ARHGEF28: variants seen among roughly 807,000 people sequenced by gnomAD.
ARHGEF28 encodes 190 kDa guanine nucleotide exchange factor.
ARHGEF28 carries 152 observed loss-of-function variants against 206.6 expected under a neutral mutation model. The observed-to-expected ratio is 0.74, with a 90% CI of 0.64 to 0.84. The LOEUF (loss-of-function observed/expected upper bound fraction) is 0.84. Among genes scored for constraint, ARHGEF28 ranks in the 40% least tolerant of loss-of-function variants. The pLI, the probability that ARHGEF28 is intolerant of heterozygous loss-of-function variation, is 0.00. For synonymous variants in ARHGEF28, 763 were observed against 776.4 expected (o/e 0.98, Z 0.29); for missense variants, 2,028 against 2,073.2 (o/e 0.98, Z 0.42).
intron 1 of ARHGEF28, among the ~76,000 whole-genome samples, chr5:73,629,295 C>G (rs4704088): frequency 0.1 from 15,469 of 151,820 alleles, 1,305 homozygotes; most frequent in East Asian, 0.33. Flanking sequence ...CCCAGGAGTT[C>G]AAGACCAGCC....
chr5:73,719,558 A>G (rs1207901900), intron 2 of ARHGEF28, among the ~76,000 whole-genome samples: 1 of 152,218 alleles, frequency 6.6e-6, no homozygotes, highest in African/African-American at 2.4e-5. Context: ...CTGCAGCAAC[A>G]GTGCTAAAAT....
Position 73,930,427 on chromosome 5 carries a change from TCA to T in ARHGEF28, c.4949-10414_4949-10413del, listed in dbSNP as rs558694880. ...CCTGTTCATAAAAGTTTTTTCTGAC[TCA>T]CAGCAGATTTTGGAGTTTCAAATGT... On this transcript the variant is annotated intron_variant, in intron 35 of 35. Coordinates refer to ENST00000513042, the MANE Select transcript of ARHGEF28 (RefSeq NM_001177693.2). 5.3e-5 allele frequency among the ~76,000 whole-genome samples: 8 copies of T among 152,366 alleles called. No individual in the cohort carries two copies. The South Asian group carries it at 1.7e-3, about 32-fold the overall frequency.
chr5:73,748,366 C>T (rs567267730), intron 2 of ARHGEF28, among the ~76,000 whole-genome samples: 36 of 152,182 alleles, frequency 2.4e-4, no homozygotes, highest in African/African-American at 8.4e-4. Flanking sequence ...GAACTCTATA[C>T]TTTGTATTTA....
At chr5:73,907,729 T>C (rs1762633667) in intron 33 of ARHGEF28, among the ~76,000 whole-genome samples, 1 of 152,224 alleles carries the variant, frequency 6.6e-6, no homozygotes, top group Non-Finnish European at 1.5e-5. Context: ...AAACTTTAAG[T>C]GTGAAGATTA....
intron 35 of ARHGEF28, among the ~76,000 whole-genome samples, chr5:73,930,719 C>G (rs1171320317): frequency 6.6e-6 from 1 of 152,200 alleles, no homozygotes; most frequent in Non-Finnish European, 1.5e-5. Flanking sequence ...ATACCTTCTC[C>G]CTTACTCCTT....
Position 73,753,097 on chromosome 5 carries a change from T to C in ARHGEF28, c.370T>C (p.Leu124=), listed in dbSNP as rs1240717190. The C allele has an allele frequency of 8.1e-6, 13 of 1,601,390 alleles. No homozygotes were observed. Among genetic ancestry groups the C allele is most frequent in the Non-Finnish European group, 1.0e-5 (12 of 1,173,852 alleles). Residue 124 remains leucine (L), a synonymous_variant, in exon 4 of 36, where the codon TTG becomes CTG. Coordinates refer to ENST00000513042, the MANE Select transcript of ARHGEF28 (RefSeq NM_001177693.2). ...CCAGACCCTGCTGACCCCATTTGCC[T>C]TGACGGCAGGAGCACTGCCTGCCTT... ...SHQTLLTPFA[L]TAGALPALDE...
intron 2 of ARHGEF28, among the ~76,000 whole-genome samples, chr5:73,724,739 T>C (rs1750174610): frequency 6.6e-6 from 1 of 152,262 alleles, no homozygotes; most frequent in South Asian, 2.1e-4. Context: ...TTTAAAACTT[T>C]GTTCCTTTGT....
chr5:73,811,961 C>T (rs531653108), intron 9 of ARHGEF28, among the ~76,000 whole-genome samples: 34 of 133,100 alleles, frequency 2.6e-4, no homozygotes, highest in South Asian at 2.0e-3. Flanking sequence ...CCAGCCTAGG[C>T]GACAGAGTGA....
At position 73,909,878 on chromosome 5, in the gene ARHGEF28, T is replaced by C; in HGVS notation, c.4628T>C (p.Leu1543Pro). The change falls in exon 34 of 36, where the codon CTC becomes CCC. Residue 1543 changes from leucine to proline, a missense_variant. Around this residue, in one of 3 missense-constraint regions of ARHGEF28, gnomAD observed 803 missense variants for 768.0 expected, o/e 1.05. Transcript: ENST00000513042. ...HGRQRSLPAV[L>P]LPGGPEVMEL... ...CGGCAGAGGAGCCTGCCCGCGGTGCTCCTTCCGGGTGGCCCCGAGGTATGG... is the reference window on the plus strand; with the variant it reads ...CGGCAGAGGAGCCTGCCCGCGGTGCCCCTTCCGGGTGGCCCCGAGGTATGG... 6.6e-7 allele frequency: 1 copy of C among 1,515,196 alleles called. No homozygotes were observed. Among genetic ancestry groups the C allele is most frequent in the Non-Finnish European group, 8.7e-7 (1 of 1,145,142 alleles). 93.9% of individuals were successfully genotyped at this position (1,515,196 alleles called of 1,614,324 possible). A position where few individuals can be genotyped will look rare whatever the true frequency, so the allele number is the denominator to read the frequency against.
intron 1 of ARHGEF28, among the ~76,000 whole-genome samples, chr5:73,672,031 T>A (rs1746379346): frequency 6.6e-6 from 1 of 151,752 alleles, no homozygotes; most frequent in Non-Finnish European, 1.5e-5. Flanking sequence ...AACTTGATAA[T>A]ATATTTCATT....
chr5:73,741,365 G>T (rs1561370771), intron 2 of ARHGEF28, among the ~76,000 whole-genome samples: 1 of 65,368 alleles, frequency 1.5e-5, no homozygotes, highest in Non-Finnish European at 2.8e-5. Flanking sequence ...GTGTGTGTGT[G>T]TGTGTGTGTG....
rs1223511620 is a variant in ARHGEF28, at chr5:73,876,947, G to A, written c.2814+3701G>A. ...GATGCTGGCCTCATAAAATGAGTTA[G>A]GGAGGATTCCCTCTTTTTCTATTGA... On this transcript the variant is annotated intron_variant, in intron 22 of 35. Coordinates refer to ENST00000513042, the MANE Select transcript of ARHGEF28 (RefSeq NM_001177693.2). Among the ~76,000 whole-genome samples, 680 of 145,814 alleles carry A rather than the reference G, an allele frequency of 4.7e-3. 7 individuals carry two copies. The highest frequency in any genetic ancestry group is 0.016 in the African/African-American group (629 of 38,406).
Position 73,858,099 on chromosome 5 carries a change from G to A in ARHGEF28, c.1927G>A (p.Asp643Asn), listed in dbSNP as rs1280243120. ...GCTGCATCTGAAGACAAAAAGCAAG[G>A]ATGCCAAAGATAAAGAGAAGCTGAA... ...PRNKSKTKSK[D>N]AKDKEKLNRH... Residue 643 changes from aspartate to asparagine, a missense_variant, in exon 16 of 36, where the codon GAT (aspartate) becomes AAT (asparagine). By Grantham distance (23) the Asp-to-Asn change is conservative. Transcript: ENST00000513042. 1.9e-6 allele frequency: 3 copies of A among 1,606,580 alleles called. No individual in the cohort carries two copies. The East Asian group carries it at 6.7e-5, about 36-fold the overall frequency.
rs151001308 is a variant in ARHGEF28, at chr5:73,711,736, T to C, written c.33+26852T>C. On this transcript the variant is annotated intron_variant, in intron 2 of 35. Coordinates refer to ENST00000513042, the MANE Select transcript of ARHGEF28 (RefSeq NM_001177693.2). ...TGCTTTGAGATTTTTTTTACAGAGA[T>C]GATAATCTCTGTATTTTTTTTGTAG... Among the ~76,000 whole-genome samples the C allele has an allele frequency of 7.0e-3, 1,069 of 152,216 alleles. 3 individuals are homozygous for C. The highest frequency in any genetic ancestry group is 0.024 in the African/African-American group (991 of 41,556).
chr5:73,917,155 G>A (rs910423740), intron 35 of ARHGEF28, among the ~76,000 whole-genome samples: 2 of 152,118 alleles, frequency 1.3e-5, no homozygotes, highest in African/African-American at 2.4e-5. Flanking sequence ...GGGACATTAC[G>A]TGCCTTTATT....
chr5:73,824,950 G>A (rs1756818329), intron 9 of ARHGEF28, among the ~76,000 whole-genome samples: 1 of 152,146 alleles, frequency 6.6e-6, no homozygotes, highest in South Asian at 2.1e-4. Context: ...AGCAAGGAGA[G>A]CCTATCACAA....
intron 4 of ARHGEF28, among the ~76,000 whole-genome samples, chr5:73,772,671 C>A (rs1482085497): frequency 6.6e-6 from 1 of 152,166 alleles, no homozygotes; most frequent in African/African-American, 2.4e-5. Context: ...AGCCACCACG[C>A]CTGGCCTTAT....
At position 73,911,366 on chromosome 5, in the gene ARHGEF28, A is replaced by G. The variant is rs751060237; in HGVS notation, c.4739A>G (p.Asn1580Ser). ...ALVQMSFNTF[N>S]KLNPSVIHQD... ...GTACAAATGTCATTTAACACTTTCA[A>G]CAAACTGAATCCATCAGTTATCCAT... The change falls in exon 35 of 36, where the codon AAC becomes AGC. Residue 1580 changes from asparagine (N) to serine (S), a missense_variant. By Grantham distance (46) the Asn-to-Ser change is conservative. Coordinates refer to ENST00000513042, the MANE Select transcript of ARHGEF28 (RefSeq NM_001177693.2). 4.3e-6 allele frequency: 7 copies of G among 1,613,714 alleles called. No homozygotes were observed. The Admixed American group carries it at 5.0e-5, about 12-fold the overall frequency.
chr5:73,634,729 A>G (rs1407769616), intron 1 of ARHGEF28, among the ~76,000 whole-genome samples: 1 of 152,164 alleles, frequency 6.6e-6, no homozygotes, highest in Non-Finnish European at 1.5e-5. Flanking sequence ...CTCTCTTACA[A>G]TGGACTTTCT....
Sources: gnomAD v4.1 joint callset for allele counts (sites outside exome capture counted in the v4.1 genomes callset) on GRCh38, gnomAD v4.1.1 for gene constraint, gnomAD v4.1.1 regional missense constraint, MANE v1.5 for transcripts, NCBI Gene and HGNC (gene_info 2026-07-23, HGNC 2026-07-21) for gene names.